The following KCNIP4 variants were observed in gnomAD, a reference collection of about 807,000 sequenced individuals.
KCNIP4 encodes the protein Kv channel-interacting protein 4.
Under a neutral mutation model 34.0 loss-of-function variants are expected in KCNIP4, and 12 were observed. The ratio of observed to expected loss-of-function variants is 0.35; its 90% CI spans 0.23 to 0.57. The LOEUF (loss-of-function observed/expected upper bound fraction) is 0.57. Among genes scored for constraint, KCNIP4 ranks in the 20% least tolerant of loss-of-function variants. The pLI is 0.83. For synonymous variants in KCNIP4, 124 were observed against 102.2 expected (o/e 1.21, Z -1.29); for missense variants, 238 against 311.7 (o/e 0.76, Z 1.78).
intron 3 of KCNIP4, among the ~76,000 whole-genome samples, chr4:20,769,578 A>T (rs1755698555): frequency 6.6e-6 from 1 of 152,224 alleles, no homozygotes; most frequent in Admixed American, 6.5e-5. Context: ...CTATTGCTGC[A>T]TAAAAAATGA....
chr4:20,945,372 G>C (rs749062306), intron 1 of KCNIP4, among the ~76,000 whole-genome samples: 5 of 152,200 alleles, frequency 3.3e-5, no homozygotes, highest in Non-Finnish European at 7.3e-5. Context: ...CTCGAATTCA[G>C]TTGTGTTGGC....
At chr4:21,069,126 T>C (rs1194811238) in intron 1 of KCNIP4, among the ~76,000 whole-genome samples, 3 of 152,206 alleles carry the variant, frequency 2.0e-5, no homozygotes, top group African/African-American at 7.2e-5. Context: ...ATAACTACTG[T>C]ATAAATGTAG....
At position 21,321,734 on chromosome 4, in the gene KCNIP4, G is replaced by A. The variant is rs573404416; in HGVS notation, c.62-439025C>T. ...AGAAGGAAGGCAGGAGGGAGGCAGT[G>A]GGAGAAGTGGGGAAGGAGGGAAGGA... On this transcript the variant is annotated intron_variant, in intron 1 of 8. Transcript: ENST00000382152. 3.9e-4 allele frequency among the ~76,000 whole-genome samples: 59 copies of A among 150,598 alleles called. 1 individual carries two copies. Among genetic ancestry groups the A allele is most frequent in the Admixed American group, 2.4e-3 (36 of 15,014 alleles).
intron 5 of KCNIP4, among the ~76,000 whole-genome samples, chr4:20,744,803 C>T (rs1481073038): frequency 1.3e-5 from 2 of 151,926 alleles, no homozygotes; most frequent in African/African-American, 4.8e-5. Context: ...AAAGATAGCA[C>T]GTTTAAGTCA....
intron 1 of KCNIP4, among the ~76,000 whole-genome samples, chr4:21,030,663 A>C (rs1350128625): frequency 6.6e-6 from 1 of 152,184 alleles, no homozygotes; most frequent in East Asian, 1.9e-4. Context: ...TTCAGGACTT[A>C]CGCATGTTGC....
chr4:21,529,708 A>T (rs1264848110), intron 1 of KCNIP4, among the ~76,000 whole-genome samples: 2 of 152,198 alleles, frequency 1.3e-5, no homozygotes, highest in African/African-American at 4.8e-5. Context: ...GAAATCTCTC[A>T]AGAGAGAATG....
At chr4:21,630,539 C>T (rs6448063) in intron 1 of KCNIP4, among the ~76,000 whole-genome samples, 78,022 of 151,700 alleles carry the variant, frequency 0.51, 20,647 homozygotes, top group East Asian at 0.86. Flanking sequence ...TCTAAGTCTT[C>T]ATAAATTATA....
At position 21,268,428 on chromosome 4, in the gene KCNIP4, C is replaced by T. The variant is rs16870679; in HGVS notation, c.62-385719G>A. ...ATATTTGTATAGGGATGCCACTTCCCGTTTTAATATTTTGTTACTTTAACA... is the reference window on the plus strand; with the variant it reads ...ATATTTGTATAGGGATGCCACTTCCTGTTTTAATATTTTGTTACTTTAACA... On this transcript the variant is annotated intron_variant, in intron 1 of 8. Transcript: ENST00000382152. Among the ~76,000 whole-genome samples the T allele has an allele frequency of 6.9e-3, 1,046 of 152,242 alleles. 48 individuals carry two copies. The East Asian group carries it at 0.14, about 20-fold the overall frequency.
intron 1 of KCNIP4, among the ~76,000 whole-genome samples, chr4:21,562,641 C>G (rs2109035393): frequency 6.6e-6 from 1 of 151,954 alleles, no homozygotes; most frequent in East Asian, 1.9e-4. Context: ...ATTTCTTAAC[C>G]AAAACAAAAA....
intron 1 of KCNIP4, among the ~76,000 whole-genome samples, chr4:21,744,107 C>G (rs1716609254): frequency 6.6e-6 from 1 of 152,104 alleles, no homozygotes. Context: ...AGGTTAAGGA[C>G]TGGCTTTTCT....
rs545947211 is a variant in KCNIP4 at position 21,372,020 on chromosome 4, T to C, written c.62-489311A>G. Among the ~76,000 whole-genome samples the C allele has an allele frequency of 2.0e-4, 29 of 147,410 alleles. 1 individual carries two copies. The highest frequency in any genetic ancestry group is 3.5e-4 in the African/African-American group (13 of 37,074). On this transcript the variant is annotated intron_variant, in intron 1 of 8. Coordinates refer to ENST00000382152, the MANE Select transcript of KCNIP4 (RefSeq NM_025221.6). Reference sequence around the variant, plus strand: ...CCATACTGCTACCAAATTTTCATATTTTATAAGCCACAATGTGCTAGAAAC... The same window carrying C: ...CCATACTGCTACCAAATTTTCATATCTTATAAGCCACAATGTGCTAGAAAC...
chr4:20,900,700 G>T (rs954740994), intron 1 of KCNIP4, among the ~76,000 whole-genome samples: 1 of 152,060 alleles, frequency 6.6e-6, no homozygotes, highest in Non-Finnish European at 1.5e-5. Flanking sequence ...CTCACCTTAG[G>T]CTACTAGTTA....
intron 3 of KCNIP4, among the ~76,000 whole-genome samples, chr4:20,778,878 AGTT>A (rs1756605843): frequency 6.6e-6 from 1 of 152,154 alleles, no homozygotes. Context: ...TGCATGTAAA[AGTT>A]GTTGTTATTG....
At chr4:20,845,401 C>T (rs76054788) in intron 3 of KCNIP4, among the ~76,000 whole-genome samples, 2,654 of 152,264 alleles carry the variant, frequency 0.017, 71 homozygotes, top group African/African-American at 0.057. Flanking sequence ...TGTGATAATG[C>T]ACCTTGCAAC....
intron 1 of KCNIP4, among the ~76,000 whole-genome samples, chr4:21,187,388 A>G (rs1376817585): frequency 6.6e-6 from 1 of 152,208 alleles, no homozygotes; most frequent in African/African-American, 2.4e-5. Context: ...AATGTTTATT[A>G]AGGGCAAAGG....
chr4:21,853,826 C>T (rs945280405), intron 1 of KCNIP4, among the ~76,000 whole-genome samples: 2 of 152,198 alleles, frequency 1.3e-5, no homozygotes, highest in African/African-American at 2.4e-5. Flanking sequence ...CTGCCACAGG[C>T]AAGTCACTTA....
intron 1 of KCNIP4, among the ~76,000 whole-genome samples, chr4:21,217,879 C>T (rs1334655313): frequency 6.6e-6 from 1 of 151,750 alleles, no homozygotes; most frequent in Non-Finnish European, 1.5e-5. Flanking sequence ...GAGAAAAGGA[C>T]AGGGTTAATT....
At chr4:20,778,824 G>A (rs1756600193) in intron 3 of KCNIP4, among the ~76,000 whole-genome samples, 1 of 152,188 alleles carries the variant, frequency 6.6e-6, no homozygotes, top group South Asian at 2.1e-4. Flanking sequence ...TTTTATGTAA[G>A]AGTATAAGAA....
chr4:20,993,027 C>CAAAAAAAA (rs11416440), intron 1 of KCNIP4, among the ~76,000 whole-genome samples: 1 of 42,072 alleles, frequency 2.4e-5, no homozygotes, highest in African/African-American at 8.8e-5. Flanking sequence ...GACTCCATCT[C>CAAAAAAAA]AAAAAAAAAA....
Sources: gnomAD v4.1 joint callset for allele counts (sites outside exome capture counted in the v4.1 genomes callset) on GRCh38, gnomAD v4.1.1 for gene constraint, MANE v1.5 for transcripts, NCBI Gene and HGNC (gene_info 2026-07-23, HGNC 2026-07-21) for gene names.